The following DGKH variants were observed in gnomAD, a reference collection of about 807,000 sequenced individuals.
DGKH encodes diacylglycerol kinase eta, also known as DAG kinase eta.
In DGKH, 90 loss-of-function variants were observed where a neutral mutation model predicts 159.3. That is an observed-to-expected ratio of 0.57 (90% confidence interval 0.48 to 0.67). The LOEUF (loss-of-function observed/expected upper bound fraction) is 0.67. Ranked by LOEUF, DGKH falls within the 30% of genes least tolerant of loss-of-function variation. The pLI, the probability that DGKH is intolerant of heterozygous loss-of-function variation, is 0.00. For missense variants in DGKH, 1,181 were observed against 1,506.1 expected, an observed-to-expected ratio of 0.78 and a Z score of 3.57; for synonymous variants, 536 against 553.8, an observed-to-expected ratio of 0.97 and a Z score of 0.45.
At chr13:42,164,002 A>C (rs960241327) in intron 7 of DGKH, among the ~76,000 whole-genome samples, 207 of 152,230 alleles carry the variant, frequency 1.4e-3, no homozygotes, top group African/African-American at 4.6e-3. Context: ...TTAGGTCTAA[A>C]GTTTAAGTCT....
intron 1 of DGKH, chr13:42,066,169 T>G (rs1277760423): frequency 1.3e-5 from 2 of 152,344 alleles, no homozygotes; most frequent in Admixed American, 6.5e-5. Context: ...GTGCTGGGAT[T>G]ACAGGTGTGA....
intron 1 of DGKH, among the ~76,000 whole-genome samples, chr13:42,059,392 G>A (rs1160964329): frequency 6.6e-6 from 1 of 152,018 alleles, no homozygotes. Flanking sequence ...TGGGATTACA[G>A]GTGCGTGCCA....
At position 42,229,169 on chromosome 13, in the gene DGKH, C is replaced by T. The variant is rs776728594; in HGVS notation, c.3644C>T (p.Thr1215Ile). The T allele has an allele frequency of 6.2e-7, 1 of 1,610,330 alleles. No homozygotes were observed. Among genetic ancestry groups the T allele is most frequent in the Non-Finnish European group, 8.5e-7 (1 of 1,179,026 alleles). The change falls in exon 30 of 30, where the codon ACT becomes ATT. Residue 1215 changes from threonine to isoleucine, a missense_variant. Coordinates refer to ENST00000337343, the MANE Select transcript of DGKH (RefSeq NM_178009.5). ...LQGIKELGRS[T>I]PQSEV ...GGAATTAAAGAGCTTGGAAGGAGCA[C>T]TCCACAGTCGGAGGTGTAATCATAT...
intron 3 of DGKH, chr13:42,140,638 T>C (rs1955522108): frequency 6.6e-6 from 1 of 152,186 alleles, no homozygotes; most frequent in Non-Finnish European, 1.5e-5. Flanking sequence ...TTATTCTTCT[T>C]TTGCCCACCT....
intron 13 of DGKH, chr13:42,181,321 A>G (rs1173125834): frequency 6.6e-6 from 1 of 152,422 alleles, no homozygotes; most frequent in Non-Finnish European, 1.5e-5. Flanking sequence ...TTCCACTGCA[A>G]TTCTGAAGCA....
chr13:42,204,551 C>T (rs995297236), intron 20 of DGKH, among the ~76,000 whole-genome samples: 2 of 152,178 alleles, frequency 1.3e-5, no homozygotes, highest in African/African-American at 2.4e-5. Context: ...GCTGAATTAG[C>T]GAACACAAGC....
intron 13 of DGKH, among the ~76,000 whole-genome samples, chr13:42,183,518 A>G (rs1012352306): frequency 1.3e-5 from 2 of 152,202 alleles, no homozygotes; most frequent in Admixed American, 6.5e-5. Flanking sequence ...TCAGTGATAC[A>G]ATATTAAGGC....
rs1396729535 is a variant in DGKH, at chr13:42,229,684, T to G, written c.*496T>G. On this transcript the variant is annotated 3_prime_UTR_variant, in exon 30 of 30. Coordinates refer to ENST00000337343, the MANE Select transcript of DGKH (RefSeq NM_178009.5). ...GTAGATTGGTATCACCTCCAACTCC[T>G]AGTGCTTAGTGGTCAAATATGTTGA... The G allele has an allele frequency of 6.5e-6, 1 of 152,984 alleles. No individual in the cohort carries two copies. The highest frequency in any genetic ancestry group is 1.5e-5 in the Non-Finnish European group (1 of 68,516). 9.5% of individuals were successfully genotyped at this position (152,984 alleles called of 1,614,324 possible).
chr13:42,212,015 A>G (rs1425297497), intron 24 of DGKH, among the ~76,000 whole-genome samples: 1 of 152,222 alleles, frequency 6.6e-6, no homozygotes, highest in African/African-American at 2.4e-5. Context: ...AAACGATATG[A>G]CACATCATGT....
chr13:42,186,303 GT>G (rs2138094570), intron 13 of DGKH, among the ~76,000 whole-genome samples: 1 of 152,214 alleles, frequency 6.6e-6, no homozygotes, highest in African/African-American at 2.4e-5. Flanking sequence ...GTTGATTGTT[GT>G]TTTTAATCCA....
rs536976272 is a variant in DGKH at position 42,156,274 on chromosome 13, A to G, written c.622+475A>G. Among the ~76,000 whole-genome samples the G allele has an allele frequency of 3.9e-5, 6 of 152,142 alleles. No individual in the cohort carries two copies. In the South Asian group the frequency reaches 1.2e-3, roughly 32 times the overall value. On this transcript the variant is annotated intron_variant, in intron 5 of 29. Transcript: ENST00000337343. The stretch of plus-strand genomic sequence containing the variant: ...TTGTTTTGTTTCGAGAAGGGGTCTC[A>G]CTCTGTCACCCATCCTGGAATGCAG...
At chr13:42,061,988 G>GGTGTGTGTGTGT (rs60863220) in intron 1 of DGKH, among the ~76,000 whole-genome samples, 60,241 of 149,584 alleles carry the variant, frequency 0.4, 12,823 homozygotes, top group East Asian at 0.62. Flanking sequence ...TGTGTGTGTG[G>GGTGTGTGTGTGT]GTGTGTGTGT....
chr13:42,093,367 G>T (rs1954460001), intron 1 of DGKH, among the ~76,000 whole-genome samples: 1 of 151,824 alleles, frequency 6.6e-6, no homozygotes, highest in African/African-American at 2.4e-5. Context: ...AAAGAAAATA[G>T]CAATGTTGGC....
chr13:42,206,979 CTTT>C (rs1957492648), intron 21 of DGKH, among the ~76,000 whole-genome samples: 3 of 87,114 alleles, frequency 3.4e-5, no homozygotes, highest in Non-Finnish European at 7.5e-5. Context: ...TTTACTTTTT[CTTT>C]CTTTCTTTCT....
chr13:42,077,357 A>G (rs1954119841), intron 1 of DGKH, among the ~76,000 whole-genome samples: 1 of 152,190 alleles, frequency 6.6e-6, no homozygotes, highest in Admixed American at 6.5e-5. Context: ...CATGAGTTGC[A>G]AACTTCAGAG....
At chr13:42,076,090 T>C (rs888649384) in intron 1 of DGKH, among the ~76,000 whole-genome samples, 1 of 152,206 alleles carries the variant, frequency 6.6e-6, no homozygotes, top group Non-Finnish European at 1.5e-5. Context: ...TTTGTAAATA[T>C]TGTGCAAGTG....
chr13:42,048,932 C>A lies in DGKH; in HGVS notation c.159C>A (p.Arg53=). Residue 53 remains arginine, a synonymous_variant, in exon 1 of 30, where the codon CGC becomes CGA. Transcript: ENST00000337343. The surrounding 1 kb of genome is among the most constrained non-coding windows in gnomAD (Gnocchi z 6.7). The part of the protein sequence containing the change: ...AEQEGPQKLI[R]KVSTSGQIRT... ...AAGAGGGACCCCAGAAACTGATCCGCAAAGTGTCTACCTCGGGGCAGATCC... is the reference window on the plus strand; with the variant it reads ...AAGAGGGACCCCAGAAACTGATCCGAAAAGTGTCTACCTCGGGGCAGATCC... 7.5e-7 allele frequency: 1 copy of A among 1,326,720 alleles called. No individual in the cohort carries two copies. Among genetic ancestry groups the A allele is most frequent in the Non-Finnish European group, 9.7e-7 (1 of 1,030,612 alleles). 82.2% of individuals were successfully genotyped at this position (1,326,720 alleles called of 1,614,324 possible). A position where few individuals can be genotyped will look rare whatever the true frequency, so the allele number is the denominator to read the frequency against.
chr13:42,079,427 T>G (rs1954159791), intron 1 of DGKH, among the ~76,000 whole-genome samples: 1 of 152,166 alleles, frequency 6.6e-6, no homozygotes. Context: ...GTGTACCCAC[T>G]AACCAATTTC....
At chr13:42,250,646 A>T (rs2138338640) in intron 29 of DGKH, among the ~76,000 whole-genome samples, 1 of 152,168 alleles carries the variant, frequency 6.6e-6, no homozygotes, top group Non-Finnish European at 1.5e-5. Context: ...CATAATACTC[A>T]CTCTTACAAT....
Sources: gnomAD v4.1 joint callset for allele counts (sites outside exome capture counted in the v4.1 genomes callset) on GRCh38, gnomAD v4.1.1 for gene constraint, Gnocchi (gnomAD v3.1) non-coding constraint, MANE v1.5 for transcripts, NCBI Gene and HGNC (gene_info 2026-07-23, HGNC 2026-07-21) for gene names.